STX7: variants seen among roughly 807,000 people sequenced by gnomAD.
The protein encoded by STX7 is syntaxin 7.
STX7 carries 34 observed loss-of-function variants against 39.6 expected under a neutral mutation model. That is an observed-to-expected ratio of 0.86 (90% CI 0.65 to 1.14). The LOEUF (loss-of-function observed/expected upper bound fraction) is 1.14, where lower values mean the gene tolerates loss of function less well. STX7 is among the 50% of genes most tolerant of loss of function. The pLI, the probability that STX7 is intolerant of heterozygous loss-of-function variation, is 0.00. For missense variants in STX7, 284 were observed against 310.4 expected, an observed-to-expected ratio of 0.92 and a Z score of 0.64; for synonymous variants, 119 against 99.1, an observed-to-expected ratio of 1.20 and a Z score of -1.19.
chr6:132,483,661 C>T, intron 2 of STX7, among the ~76,000 whole-genome samples: 1 of 152,164 alleles, frequency 6.6e-6, no homozygotes, highest in East Asian at 1.9e-4. Context: ...AGCACTCTAT[C>T]ATGTTATTAC....
intron 2 of STX7, among the ~76,000 whole-genome samples, chr6:132,479,346 G>A (rs1774957535): frequency 6.6e-6 from 1 of 152,170 alleles, no homozygotes; most frequent in African/African-American, 2.4e-5. Context: ...CATCAAGCCT[G>A]TGCAATTTCA....
intron 1 of STX7, among the ~76,000 whole-genome samples, chr6:132,509,426 C>T (rs566040568): frequency 1.3e-4 from 18 of 143,322 alleles, no homozygotes; most frequent in African/African-American, 3.8e-4. Flanking sequence ...CACTCCAGCC[C>T]GGCGACAGAG....
chr6:132,503,492 C>G lies in STX7; in HGVS notation c.39G>C (p.Gln13His), dbSNP rs760207182. The change falls in exon 2 of 10, where the codon CAG becomes CAC. Residue 13 changes from glutamine (Q) to histidine (H), a missense_variant. By Grantham distance (24) the Gln-to-His change is conservative (BLOSUM62 0). Transcript: ENST00000367941. ...YTPGVGGDPA[Q>H]LAQRISSNIQ... The stretch of plus-strand genomic sequence containing the variant: ...TGTTAGAAGAGATCCTCTGGGCCAA[C>G]TGGGCGGGGTCACCACCAACTCCTG... 5 of 1,614,122 alleles carry G rather than the reference C, an allele frequency of 3.1e-6. No individual in the cohort carries two copies. The highest frequency in any genetic ancestry group is 2.2e-5 in the South Asian group (2 of 91,088).
At chr6:132,509,535 A>C (rs1775796861) in intron 1 of STX7, among the ~76,000 whole-genome samples, 1 of 151,552 alleles carries the variant, frequency 6.6e-6, no homozygotes, top group African/African-American at 2.4e-5. Context: ...AAGACAAAAG[A>C]AAAACCAAAT....
chr6:132,509,458 A>ACTAAACTAAAC (rs1775786259), intron 1 of STX7, among the ~76,000 whole-genome samples: 3 of 128,852 alleles, frequency 2.3e-5, no homozygotes, highest in South Asian at 5.0e-4. Flanking sequence ...TCAAAATAAC[A>ACTAAACTAAAC]TAACATAACA....
intron 9 of STX7, chr6:132,461,608 C>T: frequency 2.1e-6 from 1 of 477,314 alleles, no homozygotes. Context: ...CCACGCCCAG[C>T]CCCTCACACA....
At chr6:132,493,366 C>A (rs1775343126) in intron 2 of STX7, among the ~76,000 whole-genome samples, 1 of 152,100 alleles carries the variant, frequency 6.6e-6, no homozygotes, top group Admixed American at 6.5e-5. Context: ...CCACCCAAAC[C>A]ACATCTTGAA....
chr6:132,496,517 T>C lies in STX7; in HGVS notation c.85+6929A>G, dbSNP rs76793555. ...TGGTGGAACTCTAGCTAGTCTTGAGTGTGATGGCTTCTTCAATTATGGGAT... is the reference window on the plus strand; with the variant it reads ...TGGTGGAACTCTAGCTAGTCTTGAGCGTGATGGCTTCTTCAATTATGGGAT... On this transcript the variant is annotated intron_variant, in intron 2 of 9. Coordinates refer to ENST00000367941, the MANE Select transcript of STX7 (RefSeq NM_003569.3). 4.3e-3 allele frequency among the ~76,000 whole-genome samples: 654 copies of C among 152,292 alleles called. 11 individuals carry two copies. The highest frequency in any genetic ancestry group is 0.015 in the African/African-American group (622 of 41,558).
rs747075824 is a variant in STX7 at position 132,449,422 on chromosome 6, T to C, written c.*11336A>G. ...CTGTGATTACAGGCATAAGCCACCA[T>C]ACCAGGTCCCAGGCTTTTCTTAGCT... On this transcript the variant is annotated 3_prime_UTR_variant, in exon 10 of 10. Coordinates refer to ENST00000367941, the MANE Select transcript of STX7 (RefSeq NM_003569.3). The C allele has an allele frequency of 5.9e-5, 9 of 152,182 alleles. No individual in the cohort carries two copies. Among genetic ancestry groups the C allele is most frequent in the Non-Finnish European group, 1.2e-4 (8 of 68,030 alleles). The allele number at this position is 152,182 out of a possible 1,614,324, so 9.4% of individuals were successfully genotyped here.
chr6:132,483,923 T>A (rs1775069034), intron 2 of STX7, among the ~76,000 whole-genome samples: 1 of 152,216 alleles, frequency 6.6e-6, no homozygotes, highest in Non-Finnish European at 1.5e-5. Context: ...TTATCTAGCC[T>A]TAGGTGCTAT....
rs1774150308 is a variant in STX7 at position 132,452,249 on chromosome 6, G to C, written c.*8509C>G. The stretch of plus-strand genomic sequence containing the variant: ...GATAACTTCCTTAACTTTAGCAAGA[G>C]CATCTACTTTAAAAACCTACAGCTA... On this transcript the variant is annotated 3_prime_UTR_variant, in exon 10 of 10. Coordinates refer to ENST00000367941, the MANE Select transcript of STX7 (RefSeq NM_003569.3). The C allele has an allele frequency of 6.6e-6, 1 of 152,116 alleles. No individual in the cohort carries two copies. Among genetic ancestry groups the C allele is most frequent in the Admixed American group, 6.6e-5 (1 of 15,262 alleles). 9.4% of individuals were successfully genotyped at this position (152,116 alleles called of 1,614,324 possible). A position where few individuals can be genotyped will look rare whatever the true frequency, so the allele number is the denominator to read the frequency against.
At chr6:132,489,886 T>C (rs942889842) in intron 2 of STX7, among the ~76,000 whole-genome samples, 3 of 152,244 alleles carry the variant, frequency 2.0e-5, no homozygotes, top group African/African-American at 7.2e-5. Flanking sequence ...AAAGCTATTG[T>C]AGATTAATAA....
chr6:132,461,698 A>T, intron 9 of STX7: 1 of 800,290 alleles, frequency 1.2e-6, no homozygotes, highest in Non-Finnish European at 1.9e-6. Flanking sequence ...ATGGGAAACT[A>T]CATTCAAAAT....
chr6:132,462,802 G>A (rs573780363), intron 9 of STX7, among the ~76,000 whole-genome samples: 1 of 152,208 alleles, frequency 6.6e-6, no homozygotes, highest in East Asian at 1.9e-4. Context: ...ACTTATCACT[G>A]AATATGCAGT....
chr6:132,475,713 A>G, intron 2 of STX7, 51 bp from the exon 3 acceptor site: 1 of 1,339,628 alleles, frequency 7.5e-7, no homozygotes, highest in Non-Finnish European at 1.0e-6. Context: ...TTAAGGTAAC[A>G]GAAAGAGTTA....
intron 2 of STX7, among the ~76,000 whole-genome samples, chr6:132,492,288 C>T (rs892698608): frequency 7.2e-5 from 11 of 152,204 alleles, no homozygotes; most frequent in Non-Finnish European, 1.5e-4. Flanking sequence ...TGGTCCATCC[C>T]AACTCCCCGT....
chr6:132,468,442 C>A lies in STX7; in HGVS notation c.571G>T (p.Asp191Tyr), dbSNP rs1299829879. The A allele has an allele frequency of 6.2e-7, 1 of 1,607,136 alleles. No homozygotes were observed. The highest frequency in any genetic ancestry group is 1.1e-5 in the South Asian group (1 of 90,498). The change falls in exon 8 of 10, where the codon GAT (aspartate) becomes TAT (tyrosine). Residue 191 changes from aspartate to tyrosine, a missense_variant. Asp to Tyr is a radical substitution (Grantham distance 160). Transcript: ENST00000367941. The part of the protein sequence containing the change: ...DIMDINEIFK[D>Y]LGMMIHEQGD... ...TGTTCATGAATCATCATTCCCAAAT[C>A]TTTAAATATTTCATTAATATCCATA...
chr6:132,472,216 G>T (rs1774739683), intron 4 of STX7, 66 bp downstream of exon 4: 2 of 1,220,866 alleles, frequency 1.6e-6, no homozygotes, highest in Admixed American at 2.3e-5. Flanking sequence ...ACAGTTCAAA[G>T]ATCCTACAGT....
chr6:132,471,721 C>T, intron 4 of STX7, 121 bp from the exon 5 acceptor site: 2 of 1,099,748 alleles, frequency 1.8e-6, no homozygotes, highest in South Asian at 3.2e-5. Context: ...CAGGGCCTTA[C>T]AGATTAACTC....
Sources: allele counts gnomAD v4.1 joint callset (sites outside exome capture counted in the v4.1 genomes callset), GRCh38; gene constraint gnomAD v4.1.1; transcripts MANE v1.5; gene names NCBI Gene and HGNC (gene_info 2026-07-23, HGNC 2026-07-21).